Variants in ARHGAP26 observed in about 807,000 individuals in gnomAD.
ARHGAP26 encodes rho GTPase-activating protein 26.
Under a neutral mutation model 104.8 loss-of-function variants are expected in ARHGAP26, and 38 were observed. That is an observed-to-expected ratio of 0.36 (90% CI 0.28 to 0.48). The LOEUF (loss-of-function observed/expected upper bound fraction) is 0.48, where lower values mean the gene tolerates loss of function less well. Among genes scored for constraint, ARHGAP26 ranks in the 20% least tolerant of loss-of-function variants. ARHGAP26 has a pLI of 0.99. For synonymous variants in ARHGAP26, 341 were observed against 340.0 expected, an observed-to-expected ratio of 1.00 and a Z score of -0.03; for missense variants, 704 against 947.9, an observed-to-expected ratio of 0.74 and a Z score of 3.38.
At chr5:143,082,161 A>G (rs1789932852) in intron 17 of ARHGAP26, among the ~76,000 whole-genome samples, 1 of 151,996 alleles carries the variant, frequency 6.6e-6, no homozygotes, top group Admixed American at 6.6e-5. Context: ...TCTGTTTAGT[A>G]TCTGTTGCTG....
At chr5:142,814,222 G>A (rs1413414966) in intron 1 of ARHGAP26, among the ~76,000 whole-genome samples, 1 of 152,258 alleles carries the variant, frequency 6.6e-6, no homozygotes, top group Non-Finnish European at 1.5e-5. Context: ...ACAAGACTCA[G>A]AACTTTGTCA....
chr5:143,097,626 C>G (rs370022112), intron 17 of ARHGAP26, among the ~76,000 whole-genome samples: 33 of 151,948 alleles, frequency 2.2e-4, no homozygotes, highest in African/African-American at 7.7e-4. Flanking sequence ...TGAGACCACC[C>G]TGGCTAACAC....
intron 1 of ARHGAP26, among the ~76,000 whole-genome samples, chr5:142,772,505 G>A (rs1292097751): frequency 6.6e-6 from 1 of 152,216 alleles, no homozygotes; most frequent in Admixed American, 6.5e-5. Context: ...GGTGTACTGG[G>A]TACTGCACTG....
At chr5:143,035,532 G>T (rs13159761) in intron 12 of ARHGAP26, among the ~76,000 whole-genome samples, 1 of 151,958 alleles carries the variant, frequency 6.6e-6, no homozygotes, top group Non-Finnish European at 1.5e-5. Flanking sequence ...CTTTGGGGAC[G>T]TGGGGGAAAG....
intron 11 of ARHGAP26, among the ~76,000 whole-genome samples, chr5:142,991,666 A>T (rs547840604): frequency 5.4e-4 from 83 of 152,302 alleles, no homozygotes; most frequent in African/African-American, 1.8e-3. Context: ...ATACAGAAAT[A>T]CTATTGTGTG....
intron 1 of ARHGAP26, among the ~76,000 whole-genome samples, chr5:142,872,806 C>G (rs1314280702): frequency 6.6e-6 from 1 of 152,172 alleles, no homozygotes; most frequent in Non-Finnish European, 1.5e-5. Context: ...GCTGGTGGTC[C>G]ACTCTGCTCA....
chr5:142,833,820 T>C (rs2152125122), intron 1 of ARHGAP26, among the ~76,000 whole-genome samples: 2 of 152,320 alleles, frequency 1.3e-5, no homozygotes, highest in South Asian at 4.1e-4. Context: ...GAGGACCTTT[T>C]ACTTTGTAAG....
intron 10 of ARHGAP26, among the ~76,000 whole-genome samples, chr5:142,920,170 G>T (rs966026989): frequency 6.6e-6 from 1 of 152,132 alleles, no homozygotes; most frequent in African/African-American, 2.4e-5. Context: ...TCTTTGAGAG[G>T]ATTTAGTGTA....
intron 1 of ARHGAP26, among the ~76,000 whole-genome samples, chr5:142,802,324 G>C (rs888866347): frequency 6.6e-6 from 1 of 152,080 alleles, no homozygotes; most frequent in African/African-American, 2.4e-5. Context: ...TTATTTTTCT[G>C]GTCCTTAATT....
At chr5:143,121,763 A>T (rs755317659) in intron 18 of ARHGAP26, among the ~76,000 whole-genome samples, 2 of 152,154 alleles carry the variant, frequency 1.3e-5, no homozygotes, top group Non-Finnish European at 2.9e-5. Context: ...ATTAACGCAG[A>T]GCTGCCCTTG....
chr5:143,026,213 G>A (rs1781039528), intron 12 of ARHGAP26, among the ~76,000 whole-genome samples: 1 of 152,162 alleles, frequency 6.6e-6, no homozygotes, highest in Non-Finnish European at 1.5e-5. Context: ...GTGAAAACAT[G>A]GATTGTATTT....
At chr5:142,872,119 G>A (rs1265924885) in intron 1 of ARHGAP26, among the ~76,000 whole-genome samples, 1 of 152,068 alleles carries the variant, frequency 6.6e-6, no homozygotes, top group Non-Finnish European at 1.5e-5. Flanking sequence ...TTTGTATCCA[G>A]TGCCCCCACT....
At chr5:143,169,216 C>A (rs1207706397) in intron 20 of ARHGAP26, among the ~76,000 whole-genome samples, 2 of 152,228 alleles carry the variant, frequency 1.3e-5, no homozygotes, top group Non-Finnish European at 2.9e-5. Context: ...ACAGACAGTT[C>A]TATTCAAGAC....
intron 17 of ARHGAP26, among the ~76,000 whole-genome samples, chr5:143,094,732 C>G (rs1479094522): frequency 1.3e-5 from 2 of 152,004 alleles, no homozygotes; most frequent in African/African-American, 4.8e-5. Flanking sequence ...TTAGACAGCA[C>G]AGGCTAAACT....
intron 1 of ARHGAP26, among the ~76,000 whole-genome samples, chr5:142,803,644 T>G (rs1476472697): frequency 6.6e-6 from 1 of 152,204 alleles, no homozygotes; most frequent in Non-Finnish European, 1.5e-5. Flanking sequence ...ATGTTGGGAA[T>G]GGAATCATAA....
intron 1 of ARHGAP26, among the ~76,000 whole-genome samples, chr5:142,787,995 C>CTTT (rs71576156): frequency 1.5e-5 from 2 of 132,860 alleles, no homozygotes; most frequent in East Asian, 2.2e-4. Flanking sequence ...TTAACCAATT[C>CTTT]TTTTTTTTTT....
intron 20 of ARHGAP26, among the ~76,000 whole-genome samples, chr5:143,163,178 G>C (rs1801481537): frequency 6.6e-6 from 1 of 152,152 alleles, no homozygotes; most frequent in South Asian, 2.1e-4. Context: ...TACTCTCCTT[G>C]CTGCTGCTCA....
At chr5:143,000,691 G>T (rs1486984908) in intron 11 of ARHGAP26, among the ~76,000 whole-genome samples, 1 of 152,194 alleles carries the variant, frequency 6.6e-6, no homozygotes, top group East Asian at 1.9e-4. Flanking sequence ...GGAATACTAT[G>T]CAGCCATAAA....
intron 20 of ARHGAP26, among the ~76,000 whole-genome samples, chr5:143,173,815 G>C (rs1803118295): frequency 2.0e-5 from 3 of 152,168 alleles, no homozygotes; most frequent in Non-Finnish European, 4.4e-5. Flanking sequence ...CCTTGACCTA[G>C]ACTGCACCCT....
Sources: allele counts gnomAD v4.1 joint callset (sites outside exome capture counted in the v4.1 genomes callset), GRCh38; gene constraint gnomAD v4.1.1; transcripts MANE v1.5; gene names NCBI Gene and HGNC (gene_info 2026-07-23, HGNC 2026-07-21).